PDGFC: variants seen among roughly 807,000 people sequenced by gnomAD.
The protein encoded by PDGFC is platelet-derived growth factor C.
PDGFC carries 12 observed loss-of-function variants against 35.5 expected under a neutral mutation model. That is an observed-to-expected ratio of 0.34 (90% CI 0.22 to 0.55). The LOEUF (loss-of-function observed/expected upper bound fraction) is 0.55. Ranked by LOEUF, PDGFC falls within the 20% of genes least tolerant of loss-of-function variation. The pLI is 0.91. For missense variants in PDGFC, 322 were observed against 412.4 expected (o/e 0.78, Z 1.90); for synonymous variants, 159 against 148.8 (o/e 1.07, Z -0.50).
chr4:156,788,845 T>A (rs780387145), intron 3 of PDGFC, among the ~76,000 whole-genome samples: 2 of 152,232 alleles, frequency 1.3e-5, no homozygotes, highest in African/African-American at 2.4e-5. Flanking sequence ...TGACTTCTGA[T>A]TATTTTGTGC....
chr4:156,805,046 T>C (rs1367577544), intron 3 of PDGFC, among the ~76,000 whole-genome samples: 9 of 152,114 alleles, frequency 5.9e-5, no homozygotes, highest in Non-Finnish European at 1.3e-4. Context: ...AAGAAATTAA[T>C]TGGAACAAAA....
chr4:156,955,903 T>C (rs926429252), intron 1 of PDGFC, among the ~76,000 whole-genome samples: 1 of 152,038 alleles, frequency 6.6e-6, no homozygotes, highest in Non-Finnish European at 1.5e-5. Flanking sequence ...CACCATCTGC[T>C]TAGAACTCTC....
chr4:156,926,546 T>C (rs529119280), intron 1 of PDGFC, among the ~76,000 whole-genome samples: 75 of 152,296 alleles, frequency 4.9e-4, no homozygotes, highest in African/African-American at 1.7e-3. Context: ...ATGGGGGTAA[T>C]TGGCCAAAAC....
intron 3 of PDGFC, among the ~76,000 whole-genome samples, chr4:156,800,040 C>G (rs898657679): frequency 1.3e-5 from 2 of 152,132 alleles, no homozygotes; most frequent in African/African-American, 4.8e-5. Context: ...GTTTCTTTCT[C>G]AATGATCTTT....
At chr4:156,915,439 G>GA (rs1324978168) in intron 1 of PDGFC, among the ~76,000 whole-genome samples, 5 of 151,918 alleles carry the variant, frequency 3.3e-5, no homozygotes, top group Admixed American at 2.0e-4. Context: ...ACTAGCATTG[G>GA]AAAAAACTAC....
At chr4:156,778,340 C>T (rs1034979380) in intron 3 of PDGFC, 1 of 203,136 alleles carries the variant, frequency 4.9e-6, no homozygotes, top group Non-Finnish European at 1.1e-5. Context: ...AAAAAGTGAA[C>T]TTAGTATGTA....
At chr4:156,808,039 G>T (rs570795203) in intron 3 of PDGFC, among the ~76,000 whole-genome samples, 1 of 152,130 alleles carries the variant, frequency 6.6e-6, no homozygotes, top group South Asian at 2.1e-4. Context: ...GCAAGAATGT[G>T]TCTTTGGTAA....
Position 156,866,408 on chromosome 4 carries a change from T to A in PDGFC, c.119-15992A>T, listed in dbSNP as rs1048732516. 2.6e-5 allele frequency among the ~76,000 whole-genome samples: 4 copies of A among 152,210 alleles called. No homozygotes were observed. In the East Asian group the frequency reaches 7.7e-4, roughly 29 times the overall value. On this transcript the variant is annotated intron_variant, in intron 1 of 5. Transcript: ENST00000502773. The stretch of plus-strand genomic sequence containing the variant: ...AGTAGTAACAAACACAAGGATTGCA[T>A]ATGTTGTATTTTTTAGTTCCTAAGG...
At chr4:156,902,470 A>T (rs571840850) in intron 1 of PDGFC, among the ~76,000 whole-genome samples, 40 of 152,152 alleles carry the variant, frequency 2.6e-4, no homozygotes, top group Non-Finnish European at 4.4e-4. Flanking sequence ...GCATGTTTTT[A>T]TGTTAACTCT....
At chr4:156,892,603 A>C (rs543338678) in intron 1 of PDGFC, among the ~76,000 whole-genome samples, 43 of 152,320 alleles carry the variant, frequency 2.8e-4, no homozygotes, top group Middle Eastern at 3.4e-3. Context: ...AAGGATTATT[A>C]TGGTGGGAAA....
intron 4 of PDGFC, among the ~76,000 whole-genome samples, chr4:156,772,213 T>C (rs1249388251): frequency 1.3e-5 from 2 of 152,178 alleles, no homozygotes; most frequent in Non-Finnish European, 1.5e-5. Flanking sequence ...GTTCTTAGAA[T>C]TGTCTAGGCT....
chr4:156,803,379 A>G (rs1731668248), intron 3 of PDGFC, among the ~76,000 whole-genome samples: 1 of 152,122 alleles, frequency 6.6e-6, no homozygotes, highest in South Asian at 2.1e-4. Flanking sequence ...AGCCACCATA[A>G]TGTACACAAT....
intron 3 of PDGFC, among the ~76,000 whole-genome samples, chr4:156,798,288 A>C (rs1375691486): frequency 6.6e-6 from 1 of 152,222 alleles, no homozygotes; most frequent in Non-Finnish European, 1.5e-5. Context: ...AGTAAAAATC[A>C]GATGCAAAGG....
intron 2 of PDGFC, 50 bp from the exon 3 acceptor site, chr4:156,811,067 G>A: frequency 7.8e-7 from 1 of 1,277,652 alleles, no homozygotes; most frequent in Admixed American, 2.4e-5. Flanking sequence ...CTGTTATTCT[G>A]GCAATTACAA....
At chr4:156,944,597 A>T (rs1375626630) in intron 1 of PDGFC, among the ~76,000 whole-genome samples, 1 of 152,098 alleles carries the variant, frequency 6.6e-6, no homozygotes, top group African/African-American at 2.4e-5. Flanking sequence ...TCAAGACAAA[A>T]ACTGCATGTG....
At chr4:156,904,722 A>C (rs2110780079) in intron 1 of PDGFC, among the ~76,000 whole-genome samples, 1 of 152,212 alleles carries the variant, frequency 6.6e-6, no homozygotes, top group African/African-American at 2.4e-5. Context: ...CCAGGCTGGT[A>C]AAATAGTACC....
chr4:156,910,404 T>C (rs1579093753), intron 1 of PDGFC, among the ~76,000 whole-genome samples: 1 of 152,232 alleles, frequency 6.6e-6, no homozygotes, highest in Middle Eastern at 3.4e-3. Context: ...AGTATTCCAC[T>C]GCACAAAGGT....
intron 2 of PDGFC, among the ~76,000 whole-genome samples, chr4:156,847,758 A>G (rs975610814): frequency 6.6e-6 from 1 of 151,810 alleles, no homozygotes. Flanking sequence ...TTTTATACTA[A>G]AAAGCAAAAC....
Position 156,958,920 on chromosome 4 carries a change from C to T in PDGFC, c.118+11866G>A, listed in dbSNP as rs149338522. ...TTATAATAGCAGTTTTATTACAAGA[C>T]TGGCAGAGTGACAGTAACTATAAAT... On this transcript the variant is annotated intron_variant, in intron 1 of 5. Coordinates refer to ENST00000502773, the MANE Select transcript of PDGFC (RefSeq NM_016205.3). Among the ~76,000 whole-genome samples the T allele has an allele frequency of 3.5e-3, 537 of 152,166 alleles. 1 individual carries two copies. Among genetic ancestry groups the T allele is most frequent in the Non-Finnish European group, 6.2e-3 (421 of 67,964 alleles).
Sources: allele counts gnomAD v4.1 joint callset (sites outside exome capture counted in the v4.1 genomes callset), GRCh38; gene constraint gnomAD v4.1.1; transcripts MANE v1.5; gene names NCBI Gene and HGNC (gene_info 2026-07-23, HGNC 2026-07-21).